The following CLSTN2 variants were observed in gnomAD, a reference collection of about 807,000 sequenced individuals.
The protein encoded by CLSTN2 is calsyntenin-2.
A neutral mutation model predicts 101.2 loss-of-function variants in CLSTN2; 48 were observed. The observed-to-expected ratio is 0.47, with a 90% CI of 0.38 to 0.60. The LOEUF (loss-of-function observed/expected upper bound fraction) is 0.60, where lower values mean the gene tolerates loss of function less well. Among genes scored for constraint, CLSTN2 ranks in the 20% least tolerant of loss-of-function variants. CLSTN2 has a pLI of 0.00. For missense variants in CLSTN2, 1,160 were observed against 1,238.2 expected (o/e 0.94, Z 0.95); for synonymous variants, 481 against 463.6 (o/e 1.04, Z -0.48).
chr3:139,949,515 G>A (rs1368926720), intron 1 of CLSTN2, among the ~76,000 whole-genome samples: 1 of 152,220 alleles, frequency 6.6e-6, no homozygotes, highest in Non-Finnish European at 1.5e-5. Context: ...TCAAGATGGG[G>A]AGATAGAGCC....
At chr3:140,107,407 C>T (rs1379371019) in intron 1 of CLSTN2, among the ~76,000 whole-genome samples, 1 of 152,132 alleles carries the variant, frequency 6.6e-6, no homozygotes, top group Non-Finnish European at 1.5e-5. Context: ...GTCATTGTTG[C>T]TCTTTGACAC....
chr3:140,183,876 G>T lies in CLSTN2; in HGVS notation c.232+7803G>T, dbSNP rs145099513. Among the ~76,000 whole-genome samples, 95 of 152,288 alleles carry T rather than the reference G, an allele frequency of 6.2e-4. No individual in the cohort carries two copies. The East Asian group carries it at 0.016, about 25-fold the overall frequency. ...GATGTTAAGTCAGATTATATAATTT[G>T]CCAAGAACACAGTAGTAATGGTGAA... On this transcript the variant is annotated intron_variant, in intron 2 of 16. Transcript: ENST00000458420.
At chr3:140,425,275 T>C (rs2107993846) in intron 5 of CLSTN2, among the ~76,000 whole-genome samples, 1 of 152,258 alleles carries the variant, frequency 6.6e-6, no homozygotes, top group South Asian at 2.1e-4. Flanking sequence ...GCTGGAGCCT[T>C]TCCTTCCTTC....
chr3:140,084,403 G>T (rs1001524018), intron 1 of CLSTN2, among the ~76,000 whole-genome samples: 4 of 152,158 alleles, frequency 2.6e-5, no homozygotes, highest in Non-Finnish European at 5.9e-5. Flanking sequence ...TTAACCCCCT[G>T]TATGAGCTCT....
At chr3:140,470,706 G>C (rs1363366515) in intron 8 of CLSTN2, among the ~76,000 whole-genome samples, 1 of 152,190 alleles carries the variant, frequency 6.6e-6, no homozygotes, top group Non-Finnish European at 1.5e-5. Context: ...GATAATTTTA[G>C]AGATGGGCAA....
chr3:140,047,258 C>G (rs13099513), intron 1 of CLSTN2, among the ~76,000 whole-genome samples: 3,737 of 152,230 alleles, frequency 0.025, 67 homozygotes, highest in Non-Finnish European at 0.037. Context: ...TTTTGTGTAT[C>G]TTTACAGAGT....
intron 1 of CLSTN2, among the ~76,000 whole-genome samples, chr3:140,138,408 C>T (rs764717033): frequency 6.6e-6 from 1 of 152,150 alleles, no homozygotes; most frequent in African/African-American, 2.4e-5. Flanking sequence ...ATCCAGCCAC[C>T]AGGCCAGTGC....
intron 8 of CLSTN2, among the ~76,000 whole-genome samples, chr3:140,527,842 T>C (rs534946832): frequency 6.6e-6 from 1 of 152,298 alleles, no homozygotes; most frequent in East Asian, 1.9e-4. Flanking sequence ...CCGTATTTTT[T>C]CACTTATAAG....
chr3:140,007,404 C>T (rs892354294), intron 1 of CLSTN2, among the ~76,000 whole-genome samples: 1 of 152,166 alleles, frequency 6.6e-6, no homozygotes, highest in East Asian at 1.9e-4. Context: ...ATGAGGGGTG[C>T]CAATGGGAGC....
chr3:140,293,780 T>C (rs556338359), intron 2 of CLSTN2, among the ~76,000 whole-genome samples: 9 of 152,276 alleles, frequency 5.9e-5, no homozygotes, highest in African/African-American at 1.9e-4. Flanking sequence ...CAAGCATTGA[T>C]GGGCACCTCT....
intron 1 of CLSTN2, among the ~76,000 whole-genome samples, chr3:140,029,165 T>A (rs1028856270): frequency 6.6e-6 from 1 of 152,096 alleles, no homozygotes; most frequent in Non-Finnish European, 1.5e-5. Flanking sequence ...CCAAAACCTA[T>A]CAAATGATCC....
chr3:140,487,627 T>C (rs1183350709), intron 8 of CLSTN2, among the ~76,000 whole-genome samples: 4 of 152,238 alleles, frequency 2.6e-5, no homozygotes, highest in Non-Finnish European at 5.9e-5. Flanking sequence ...TATGTGTTCA[T>C]GGGAAAGACA....
At chr3:140,486,284 A>T (rs561526517) in intron 8 of CLSTN2, among the ~76,000 whole-genome samples, 10 of 152,348 alleles carry the variant, frequency 6.6e-5, no homozygotes, top group African/African-American at 2.2e-4. Flanking sequence ...AAGAAAGAGC[A>T]TTGGAAATGG....
At chr3:140,047,630 G>A (rs890044114) in intron 1 of CLSTN2, among the ~76,000 whole-genome samples, 5 of 152,184 alleles carry the variant, frequency 3.3e-5, no homozygotes, top group Admixed American at 2.6e-4. Context: ...AGGTTGAGGG[G>A]TCACATCTGG....
intron 2 of CLSTN2, among the ~76,000 whole-genome samples, chr3:140,365,245 G>A (rs1383983053): frequency 1.3e-5 from 2 of 152,088 alleles, no homozygotes; most frequent in Admixed American, 6.5e-5. Context: ...AATAAATGCT[G>A]CCTCCTAAAA....
intron 2 of CLSTN2, among the ~76,000 whole-genome samples, chr3:140,235,623 C>T (rs2086410222): frequency 6.6e-6 from 1 of 152,190 alleles, no homozygotes; most frequent in African/African-American, 2.4e-5. Context: ...TACCACTATT[C>T]TCTGGTGAGA....
chr3:139,967,790 T>A (rs939490416), intron 1 of CLSTN2, among the ~76,000 whole-genome samples: 1 of 152,194 alleles, frequency 6.6e-6, no homozygotes, highest in African/African-American at 2.4e-5. Flanking sequence ...AATAGCTATT[T>A]AAAAATGATT....
chr3:140,531,747 G>A (rs1256143856), intron 8 of CLSTN2, among the ~76,000 whole-genome samples: 1 of 152,088 alleles, frequency 6.6e-6, no homozygotes, highest in African/African-American at 2.4e-5. Context: ...TCATTCCCTT[G>A]AGGTTAAGAA....
At chr3:139,983,098 C>T (rs1400474034) in intron 1 of CLSTN2, among the ~76,000 whole-genome samples, 2 of 151,086 alleles carry the variant, frequency 1.3e-5, no homozygotes, top group Non-Finnish European at 3.0e-5. Context: ...GAGATCAGCT[C>T]TTTCCTATGC....
Sources: allele counts gnomAD v4.1 joint callset (sites outside exome capture counted in the v4.1 genomes callset), GRCh38; gene constraint gnomAD v4.1.1; transcripts MANE v1.5; gene names NCBI Gene and HGNC (gene_info 2026-07-23, HGNC 2026-07-21).